IL1RAPL1: variants seen among roughly 807,000 people sequenced by gnomAD.
The protein encoded by IL1RAPL1 is interleukin-1 receptor accessory protein-like 1.
A neutral mutation model predicts 48.4 loss-of-function variants in IL1RAPL1; 3 were observed. The observed-to-expected ratio is 0.06, with a 90% CI of 0.03 to 0.16. The LOEUF is 0.16. IL1RAPL1 is among the 10% of genes least tolerant of loss of function. IL1RAPL1 has a pLI of 1.00. For missense variants in IL1RAPL1, 349 were observed against 530.6 expected (o/e 0.66, Z 3.36); for synonymous variants, 185 against 187.7 (o/e 0.99, Z 0.12).
At chrX:29,137,836 G>C (rs1407942528) in intron 2 of IL1RAPL1, among the ~76,000 whole-genome samples, 1 of 112,362 alleles carries the variant, frequency 8.9e-6, no homozygotes, top group Non-Finnish European at 1.9e-5. Context: ...AATATAAGAT[G>C]ATAAAGTTGA....
intron 2 of IL1RAPL1, among the ~76,000 whole-genome samples, chrX:28,939,850 A>T (rs1184844910): frequency 1.8e-5 from 2 of 111,355 alleles, no homozygotes; most frequent in African/African-American, 6.5e-5. Context: ...TAGTATGTTC[A>T]GAGGCAACTT....
chrX:29,827,109 T>C (rs1930754870), intron 6 of IL1RAPL1, among the ~76,000 whole-genome samples: 1 of 112,292 alleles, frequency 8.9e-6, no homozygotes, highest in African/African-American at 3.2e-5. Flanking sequence ...TAATGACTAC[T>C]GATGTTGAAC....
chrX:28,986,915 T>C (rs887511119), intron 2 of IL1RAPL1, among the ~76,000 whole-genome samples: 1 of 112,038 alleles, frequency 8.9e-6, no homozygotes, highest in African/African-American at 3.2e-5. Flanking sequence ...GTGATGTAAT[T>C]TGCATGGTCA....
At chrX:29,646,655 A>G (rs61055972) in intron 5 of IL1RAPL1, among the ~76,000 whole-genome samples, 14,056 of 110,443 alleles carry the variant, frequency 0.13, 947 homozygotes, top group African/African-American at 0.24. Flanking sequence ...AAGCCAAGTC[A>G]TATTATAATT....
At chrX:29,042,523 GT>G (rs1926869673) in intron 2 of IL1RAPL1, among the ~76,000 whole-genome samples, 1 of 111,788 alleles carries the variant, frequency 8.9e-6, no homozygotes, top group Non-Finnish European at 1.9e-5. Flanking sequence ...GAATAGACCT[GT>G]TTGAGGATGT....
intron 6 of IL1RAPL1, among the ~76,000 whole-genome samples, chrX:29,679,690 C>T (rs774879762): frequency 5.4e-5 from 6 of 111,931 alleles, no homozygotes; most frequent in Non-Finnish European, 1.1e-4. Context: ...TATGTTGTCA[C>T]TCCAATGCTC....
chrX:28,616,443 T>C (rs1934218925), intron 1 of IL1RAPL1, among the ~76,000 whole-genome samples: 1 of 111,161 alleles, frequency 9.0e-6, no homozygotes, highest in Admixed American at 9.5e-5. Context: ...CTTTCTTTTT[T>C]TTTTTTTTAG....
intron 6 of IL1RAPL1, among the ~76,000 whole-genome samples, chrX:29,738,964 G>A (rs1194558083): frequency 3.6e-5 from 4 of 112,569 alleles, no homozygotes; most frequent in Non-Finnish European, 5.6e-5. Context: ...GCACCACAGA[G>A]CAAAGTTTTT....
At chrX:29,911,858 A>G (rs1375407748) in intron 6 of IL1RAPL1, among the ~76,000 whole-genome samples, 1 of 111,875 alleles carries the variant, frequency 8.9e-6, no homozygotes, top group Non-Finnish European at 1.9e-5. Context: ...TTGCCAATGT[A>G]TGGAGTAAAT....
At chrX:28,690,440 T>C (rs1293225130) in intron 1 of IL1RAPL1, among the ~76,000 whole-genome samples, 1 of 111,442 alleles carries the variant, frequency 9.0e-6, no homozygotes, top group African/African-American at 3.3e-5. Context: ...AACTAATAAA[T>C]CCAGATTAGG....
At chrX:29,151,557 G>A (rs958825721) in intron 2 of IL1RAPL1, among the ~76,000 whole-genome samples, 1 of 111,363 alleles carries the variant, frequency 9.0e-6, no homozygotes, top group Non-Finnish European at 1.9e-5. Flanking sequence ...GAAGTGAGAT[G>A]GGAAAAGGAA....
At chrX:29,210,854 G>C (rs757051635) in intron 2 of IL1RAPL1, among the ~76,000 whole-genome samples, 2 of 112,227 alleles carry the variant, frequency 1.8e-5, no homozygotes, top group Non-Finnish European at 3.8e-5. Flanking sequence ...TGTAGAGAAA[G>C]TGTTTTTCTT....
chrX:29,565,449 C>A (rs1302734010), intron 5 of IL1RAPL1, among the ~76,000 whole-genome samples: 1 of 111,283 alleles, frequency 9.0e-6, no homozygotes, highest in Non-Finnish European at 1.9e-5. Flanking sequence ...TATGCAGATA[C>A]CTCTTATTTA....
chrX:29,469,469 GA>G (rs1175683546), intron 5 of IL1RAPL1, among the ~76,000 whole-genome samples: 4 of 111,368 alleles, frequency 3.6e-5, no homozygotes, highest in Non-Finnish European at 7.5e-5. Flanking sequence ...TGTTATAAAA[GA>G]AAAAAATATA....
At chrX:29,613,704 G>GT (rs1210034170) in intron 5 of IL1RAPL1, among the ~76,000 whole-genome samples, 1 of 97,325 alleles carries the variant, frequency 1.0e-5, no homozygotes, top group African/African-American at 3.8e-5. Context: ...GAGAAGCTGG[G>GT]TTTTTTTCGT....
At chrX:28,623,311 A>G (rs1296024821) in intron 1 of IL1RAPL1, among the ~76,000 whole-genome samples, 1 of 111,328 alleles carries the variant, frequency 9.0e-6, no homozygotes, top group Non-Finnish European at 1.9e-5. Context: ...ACCTCTTTGT[A>G]CAGATCAAGG....
chrX:28,893,977 G>C (rs1302479897), intron 2 of IL1RAPL1, among the ~76,000 whole-genome samples: 1 of 111,880 alleles, frequency 8.9e-6, no homozygotes, highest in Non-Finnish European at 1.9e-5. Context: ...TGCTTGTCTA[G>C]CCACCTTATC....
At chrX:29,382,271 T>C (rs1423512033) in intron 3 of IL1RAPL1, among the ~76,000 whole-genome samples, 1 of 112,116 alleles carries the variant, frequency 8.9e-6, no homozygotes, top group African/African-American at 3.2e-5. Context: ...ATACATGTTC[T>C]CTATTTTCTT....
At chrX:29,865,547 T>G (rs760744474) in intron 6 of IL1RAPL1, among the ~76,000 whole-genome samples, 1 of 110,368 alleles carries the variant, frequency 9.1e-6, no homozygotes, top group East Asian at 2.8e-4. Context: ...ATCCCCAGAA[T>G]AATGTTGCTC....
Sources: allele counts gnomAD v4.1 joint callset (sites outside exome capture counted in the v4.1 genomes callset), GRCh38; gene constraint gnomAD v4.1.1; transcripts MANE v1.5; gene names NCBI Gene and HGNC (gene_info 2026-07-23, HGNC 2026-07-21).